KHDRBS2: variants seen among roughly 807,000 people sequenced by gnomAD.
KHDRBS2 encodes KH RNA binding domain containing, signal transduction associated 2, also known as KH domain-containing, RNA-binding, signal transduction-associated protein 2.
A neutral mutation model predicts 44.3 loss-of-function variants in KHDRBS2; 26 were observed. That is an observed-to-expected ratio of 0.59 (90% CI 0.43 to 0.81). The LOEUF (loss-of-function observed/expected upper bound fraction) is 0.81. Among genes scored for constraint, KHDRBS2 ranks in the 40% least tolerant of loss-of-function variants. The pLI is 0.00. For missense variants in KHDRBS2, 476 were observed against 433.1 expected (o/e 1.10, Z -0.88); for synonymous variants, 194 against 151.1 (o/e 1.28, Z -2.08).
chr6:62,022,968 T>C (rs1488248521), intron 3 of KHDRBS2, among the ~76,000 whole-genome samples: 2 of 151,526 alleles, frequency 1.3e-5, no homozygotes, highest in Admixed American at 6.6e-5. Context: ...ATCTTCAAAA[T>C]TAAGATAAAG....
chr6:62,190,699 T>C (rs141552489), intron 1 of KHDRBS2, among the ~76,000 whole-genome samples: 104 of 152,260 alleles, frequency 6.8e-4, no homozygotes, highest in African/African-American at 2.4e-3. Flanking sequence ...TCTCAAACTG[T>C]ACTTTAAAAC....
the KHDRBS2 span, among the ~76,000 whole-genome samples, chr6:61,615,222 G>A: frequency 0.047 from 3,546 of 74,758 alleles, 133 homozygotes; most frequent in Non-Finnish European, 0.066. Flanking sequence ...GACAGAGCAA[G>A]ACTCCATCTC....
At chr6:61,627,454 A>G in the KHDRBS2 span, among the ~76,000 whole-genome samples, 2 of 152,120 alleles carry the variant, frequency 1.3e-5, no homozygotes, top group Non-Finnish European at 2.9e-5. Flanking sequence ...TTAGATGAGT[A>G]CAGATTGGGG....
the KHDRBS2 span, among the ~76,000 whole-genome samples, chr6:61,609,569 T>C: frequency 2.3e-4 from 35 of 152,332 alleles, no homozygotes; most frequent in African/African-American, 8.2e-4. Context: ...ACTACGGGCT[T>C]CATAGCTATC....
At position 61,815,467 on chromosome 6, in the gene KHDRBS2, G is replaced by GT. The variant is rs1482237471; in HGVS notation, c.810+79167dup. Among the ~76,000 whole-genome samples, 3 of 152,208 alleles carry GT rather than the reference G, an allele frequency of 2.0e-5. No individual in the cohort carries two copies. The South Asian group carries it at 6.2e-4, about 32-fold the overall frequency. ...GCCATTTTTTACCCACAAGTACAAGGTATGTACTTTATGGTTTTAGCAAAA... is the reference window on the plus strand; with the variant it reads ...GCCATTTTTTACCCACAAGTACAAGGTTATGTACTTTATGGTTTTAGCAAAA... On this transcript the variant is annotated intron_variant, in intron 6 of 8. Transcript: ENST00000281156.
intron 6 of KHDRBS2, among the ~76,000 whole-genome samples, chr6:61,867,416 C>T (rs1236278127): frequency 5.3e-5 from 8 of 152,230 alleles, no homozygotes; most frequent in South Asian, 2.1e-4. Flanking sequence ...GATGAGATTT[C>T]GGTGGGGACA....
intron 1 of KHDRBS2, among the ~76,000 whole-genome samples, chr6:62,273,738 C>T (rs1157759306): frequency 1.3e-5 from 2 of 152,090 alleles, no homozygotes; most frequent in Admixed American, 1.3e-4. Flanking sequence ...CAACTCTCCA[C>T]CTGCATTTTT....
At chr6:62,207,835 G>C (rs1434071969) in intron 1 of KHDRBS2, among the ~76,000 whole-genome samples, 1 of 152,100 alleles carries the variant, frequency 6.6e-6, no homozygotes, top group Non-Finnish European at 1.5e-5. Flanking sequence ...AATACATATA[G>C]ATACTAAGAC....
At chr6:62,182,520 T>C (rs1316922378) in intron 1 of KHDRBS2, among the ~76,000 whole-genome samples, 1 of 151,980 alleles carries the variant, frequency 6.6e-6, no homozygotes, top group African/African-American at 2.4e-5. Context: ...AGGTGATAGA[T>C]AATGACTATG....
At chr6:61,704,569 G>A (rs1041176658) in intron 7 of KHDRBS2, among the ~76,000 whole-genome samples, 1 of 151,624 alleles carries the variant, frequency 6.6e-6, no homozygotes, top group Non-Finnish European at 1.5e-5. Context: ...ACATATACAG[G>A]GACCAAATCT....
intron 2 of KHDRBS2, among the ~76,000 whole-genome samples, chr6:62,070,475 G>A (rs1794760882): frequency 6.6e-6 from 1 of 151,790 alleles, no homozygotes; most frequent in Non-Finnish European, 1.5e-5. Flanking sequence ...ATCTCCTAAT[G>A]CTATCCCTCC....
At chr6:61,622,792 C>T in the KHDRBS2 span, among the ~76,000 whole-genome samples, 1 of 151,974 alleles carries the variant, frequency 6.6e-6, no homozygotes, top group African/African-American at 2.4e-5. Flanking sequence ...TCATTGAGGT[C>T]AAGAATGAGA....
rs529363217 is a variant in KHDRBS2 at position 61,754,973 on chromosome 6, A to G, written c.811-22209T>C. Among the ~76,000 whole-genome samples the G allele has an allele frequency of 2.4e-4, 37 of 152,172 alleles. 1 individual carries two copies. Among genetic ancestry groups the G allele is most frequent in the Non-Finnish European group, 4.7e-4 (32 of 68,026 alleles). On this transcript the variant is annotated intron_variant, in intron 6 of 8. Transcript: ENST00000281156. ...ATTTTGATGTAAATACCAAATTTATAATAGAATCTAGTAAAACATAATATT... is the reference window on the plus strand; with the variant it reads ...ATTTTGATGTAAATACCAAATTTATGATAGAATCTAGTAAAACATAATATT...
At chr6:62,010,395 A>G (rs1391019944) in intron 3 of KHDRBS2, among the ~76,000 whole-genome samples, 3 of 152,078 alleles carry the variant, frequency 2.0e-5, no homozygotes, top group Non-Finnish European at 4.4e-5. Context: ...GTCTTGGATG[A>G]GACTTTGGAC....
chr6:61,853,633 A>G (rs1032474148), intron 6 of KHDRBS2, among the ~76,000 whole-genome samples: 1 of 152,216 alleles, frequency 6.6e-6, no homozygotes, highest in Non-Finnish European at 1.5e-5. Context: ...ACAACATTTT[A>G]TAATTGCTAG....
rs1455305302 is a variant in KHDRBS2, at chr6:62,286,025, G to C, written c.-77C>G. 9.4e-6 allele frequency: 8 copies of C among 851,634 alleles called. No homozygotes were observed. In the African/African-American group the frequency reaches 1.0e-4, roughly 11 times the overall value. The allele number at this position is 851,634 out of a possible 1,614,324, so 52.8% of individuals were successfully genotyped here. A position where few individuals can be genotyped will look rare whatever the true frequency, so the allele number is the denominator to read the frequency against. ...GACGCAGGCAGGGTCTTGGGGCAGC[G>C]CCTGGCTCCCGCGCTGCTCCTCCTC... is the stretch of plus-strand genomic sequence containing the variant. On this transcript the variant is annotated 5_prime_UTR_variant, in exon 1 of 9. Transcript: ENST00000281156.
At chr6:62,066,090 T>G (rs1486817998) in intron 2 of KHDRBS2, among the ~76,000 whole-genome samples, 2 of 151,702 alleles carry the variant, frequency 1.3e-5, no homozygotes, top group East Asian at 3.9e-4. Context: ...TAGGGGTACA[T>G]TCTTCAAGCT....
chr6:62,158,351 C>A (rs761712067), intron 2 of KHDRBS2, among the ~76,000 whole-genome samples: 23 of 152,102 alleles, frequency 1.5e-4, no homozygotes, highest in Non-Finnish European at 3.2e-4. Flanking sequence ...CATAAATGTT[C>A]ATGTATTCCT....
chr6:61,567,050 T>C, the KHDRBS2 span, among the ~76,000 whole-genome samples: 1 of 152,190 alleles, frequency 6.6e-6, no homozygotes, highest in Non-Finnish European at 1.5e-5. Flanking sequence ...CTGGGGAATG[T>C]GATTTGGCCA....
Sources: gnomAD v4.1 joint callset for allele counts (sites outside exome capture counted in the v4.1 genomes callset) on GRCh38, gnomAD v4.1.1 for gene constraint, MANE v1.5 for transcripts, NCBI Gene and HGNC (gene_info 2026-07-23, HGNC 2026-07-21) for gene names.